The following MYO5B variants were observed in gnomAD, a reference collection of about 807,000 sequenced individuals.
MYO5B encodes unconventional myosin-Vb.
A neutral mutation model predicts 229.3 loss-of-function variants in MYO5B; 143 were observed. The observed-to-expected ratio is 0.62, with a 90% CI of 0.54 to 0.72. The LOEUF (loss-of-function observed/expected upper bound fraction) is 0.72. Among genes scored for constraint, MYO5B ranks in the 30% least tolerant of loss-of-function variants. The pLI is 0.00. For synonymous variants in MYO5B, 918 were observed against 885.2 expected (o/e 1.04, Z -0.66); for missense variants, 2,321 against 2,331.0 (o/e 1.00, Z 0.09).
At chr18:49,883,065 A>G (rs1042832199) in intron 22 of MYO5B, among the ~76,000 whole-genome samples, 1 of 152,256 alleles carries the variant, frequency 6.6e-6, no homozygotes, top group Admixed American at 6.5e-5. Context: ...TAAAAATTCC[A>G]TAGCTCATAC....
intron 19 of MYO5B, among the ~76,000 whole-genome samples, chr18:49,906,088 C>T (rs1355510922): frequency 6.6e-6 from 1 of 152,156 alleles, no homozygotes; most frequent in Admixed American, 6.5e-5. Context: ...CTGTATTGGT[C>T]TCTTTTCCTA....
At chr18:49,890,727 A>G (rs927277071) in intron 22 of MYO5B, among the ~76,000 whole-genome samples, 1 of 152,206 alleles carries the variant, frequency 6.6e-6, no homozygotes, top group Non-Finnish European at 1.5e-5. Context: ...TCTGTCCTTG[A>G]TGCTGTGCAG....
Position 50,054,372 on chromosome 18 carries a change from A to G in MYO5B, c.138+896T>C, listed in dbSNP as rs149384510. Among the ~76,000 whole-genome samples the G allele has an allele frequency of 2.2e-3, 329 of 152,338 alleles. 1 individual carries two copies. Among genetic ancestry groups the G allele is most frequent in the African/African-American group, 7.4e-3 (307 of 41,572 alleles). On this transcript the variant is annotated intron_variant, in intron 2 of 39. Coordinates refer to ENST00000285039, the MANE Select transcript of MYO5B (RefSeq NM_001080467.3). ...AAAGAGTGGGTTCCTTTTCTCTCCT[A>G]TACCTCATGCACTCACTTCCATGCC... is the stretch of plus-strand genomic sequence containing the variant.
At chr18:50,145,126 C>T (rs948094631) in intron 1 of MYO5B, among the ~76,000 whole-genome samples, 8 of 152,146 alleles carry the variant, frequency 5.3e-5, no homozygotes, top group African/African-American at 1.9e-4. Flanking sequence ...CTACCACTCC[C>T]ACCAAAATGG....
intron 2 of MYO5B, among the ~76,000 whole-genome samples, chr18:50,047,009 C>G (rs1401577298): frequency 3.9e-5 from 6 of 152,108 alleles, no homozygotes; most frequent in Admixed American, 2.0e-4. Flanking sequence ...TAGGCAATAC[C>G]ATTCAGGACA....
At chr18:50,085,550 C>A (rs1464456296) in intron 1 of MYO5B, among the ~76,000 whole-genome samples, 3 of 152,044 alleles carry the variant, frequency 2.0e-5, no homozygotes, top group Non-Finnish European at 1.5e-5. Context: ...TTTGACCCAG[C>A]CATCCCATTA....
At chr18:50,183,065 G>A (rs148089003) in intron 1 of MYO5B, among the ~76,000 whole-genome samples, 1 of 152,064 alleles carries the variant, frequency 6.6e-6, no homozygotes, top group Non-Finnish European at 1.5e-5. Flanking sequence ...TGACCTCAAA[G>A]CTTTTGATTT....
intron 1 of MYO5B, among the ~76,000 whole-genome samples, chr18:50,161,936 C>G (rs2032773063): frequency 6.6e-6 from 1 of 152,106 alleles, no homozygotes; most frequent in Non-Finnish European, 1.5e-5. Context: ...GCTGAGGAAC[C>G]TAGCCAAAGG....
rs1166595949 is a variant in MYO5B at position 49,936,343 on chromosome 18, TACGGA to T, written c.1907_1911del (p.Phe636TyrfsTer26). ...GTCTCCATGAGCAGATGCAGGGAGG[TACGGA>T]ACTAGAGAGACAAAAGCCAGTGCTT... On this transcript the variant is annotated frameshift_variant and splice_region_variant, in exon 16 of 40. Coordinates refer to ENST00000285039, the MANE Select transcript of MYO5B (RefSeq NM_001080467.3). LOFTEE classifies it high-confidence loss of function. 6.3e-7 allele frequency: 1 copy of T among 1,593,430 alleles called. No individual in the cohort carries two copies. The highest frequency in any genetic ancestry group is 1.7e-5 in the Admixed American group (1 of 57,152).
chr18:50,149,583 G>A (rs1422283312), intron 1 of MYO5B, among the ~76,000 whole-genome samples: 2 of 149,616 alleles, frequency 1.3e-5, no homozygotes, highest in African/African-American at 4.9e-5. Flanking sequence ...AAGCAATGGG[G>A]AAAGGATTCC....
intron 1 of MYO5B, among the ~76,000 whole-genome samples, chr18:50,092,393 C>T (rs1350590437): frequency 6.6e-6 from 1 of 152,114 alleles, no homozygotes; most frequent in Non-Finnish European, 1.5e-5. Flanking sequence ...AGGGACAGGC[C>T]CAAGGTCACA....
At chr18:50,069,565 T>A (rs910476043) in intron 1 of MYO5B, among the ~76,000 whole-genome samples, 3 of 152,196 alleles carry the variant, frequency 2.0e-5, no homozygotes, top group Non-Finnish European at 4.4e-5. Context: ...TTGTCCCCGT[T>A]GCCCTCACTC....
At chr18:50,040,382 G>A in intron 2 of MYO5B, 68 bp from the exon 3 acceptor site, 1 of 1,414,688 alleles carries the variant, frequency 7.1e-7, no homozygotes, top group African/African-American at 1.4e-5. Flanking sequence ...TCAATGTCCT[G>A]TCTTCTTAGC....
At chr18:49,931,078 C>T (rs747605809) in intron 16 of MYO5B, among the ~76,000 whole-genome samples, 2 of 152,178 alleles carry the variant, frequency 1.3e-5, no homozygotes, top group South Asian at 4.1e-4. Context: ...CCCTTTCCTT[C>T]TGACTGTCCT....
At chr18:49,930,688 C>T (rs371770963) in intron 16 of MYO5B, among the ~76,000 whole-genome samples, 4 of 152,084 alleles carry the variant, frequency 2.6e-5, no homozygotes, top group African/African-American at 7.2e-5. Flanking sequence ...GTCAGGAGAT[C>T]GAGACCATCC....
intron 4 of MYO5B, among the ~76,000 whole-genome samples, chr18:50,028,693 T>C (rs1325158564): frequency 2.6e-5 from 4 of 152,222 alleles, no homozygotes; most frequent in Non-Finnish European, 4.4e-5. Context: ...GAAAGCATCC[T>C]ATACTGGGAA....
intron 17 of MYO5B, among the ~76,000 whole-genome samples, chr18:49,927,598 A>C (rs1461836584): frequency 6.6e-6 from 1 of 152,194 alleles, no homozygotes; most frequent in East Asian, 1.9e-4. Flanking sequence ...AAGACCAAAT[A>C]CTGACAGTCA....
At position 49,999,890 on chromosome 18, in the gene MYO5B, C is replaced by T. The variant is rs1355109254; in HGVS notation, c.612+1365G>A. ...CTCAGGCACCCTCAAATTTGAGAAG[C>T]ACTGTAATGGAATAAAAGTTTTTCT... On this transcript the variant is annotated intron_variant, in intron 5 of 39. Transcript: ENST00000285039. 2.6e-5 allele frequency among the ~76,000 whole-genome samples: 4 copies of T among 152,350 alleles called. No homozygotes were observed. The East Asian group carries it at 5.8e-4, about 22-fold the overall frequency.
chr18:49,889,619 T>C (rs753419374), intron 22 of MYO5B, among the ~76,000 whole-genome samples: 1 of 152,222 alleles, frequency 6.6e-6, no homozygotes, highest in Non-Finnish European at 1.5e-5. Context: ...AATATCTAGA[T>C]GGCTCACAGA....
Sources: allele counts gnomAD v4.1 joint callset (sites outside exome capture counted in the v4.1 genomes callset), GRCh38; gene constraint gnomAD v4.1.1; transcripts MANE v1.5; gene names NCBI Gene and HGNC (gene_info 2026-07-23, HGNC 2026-07-21).